The following VGF variants were observed in gnomAD, a reference collection of about 807,000 sequenced individuals.
The protein encoded by VGF is VGF nerve growth factor inducible, also known as neurosecretory protein VGF.
VGF carries 13 observed loss-of-function variants against 41.1 expected under a neutral mutation model. The observed-to-expected ratio is 0.32, with a 90% confidence interval of 0.21 to 0.50. The LOEUF (loss-of-function observed/expected upper bound fraction) is 0.50. Among genes scored for constraint, VGF ranks in the 20% least tolerant of loss-of-function variants. VGF has a pLI of 0.98. For synonymous variants in VGF, 473 were observed against 418.3 expected (o/e 1.13, Z -1.60); for missense variants, 920 against 882.1 (o/e 1.04, Z -0.54).
chr7:101,162,785 G>GC lies in VGF; in HGVS notation c.*210dup, dbSNP rs1402413522. 1.6e-6 allele frequency: 1 copy of GC among 644,088 alleles called. No individual in the cohort carries two copies. The highest frequency in any genetic ancestry group is 2.9e-6 in the Non-Finnish European group (1 of 347,958). The allele number at this position is 644,088 out of a possible 1,614,324, so 39.9% of individuals were successfully genotyped here. A position where few individuals can be genotyped will look rare whatever the true frequency, so the allele number is the denominator to read the frequency against. The stretch of plus-strand genomic sequence containing the variant: ...ACAAACCACCCGCCCTCCTGGGCTG[G>GC]CCCCCGGTCACCCGCGGGTGAGCTC... On this transcript the variant is annotated 3_prime_UTR_variant, in exon 2 of 2. Transcript: ENST00000249330. The surrounding 1 kb of genome is among the most constrained non-coding windows in gnomAD (Gnocchi z 4.2).
At chr7:101,167,556 G>T (rs1451482389), upstream of VGF, among the ~76,000 whole-genome samples, 2 of 152,118 alleles carry the variant, frequency 1.3e-5, no homozygotes, top group Non-Finnish European at 2.9e-5. This position sits in a 1 kb window ranked among gnomAD's most constrained non-coding sequence, Gnocchi z 4.2. Flanking sequence ...TCCTGAGGAG[G>T]ATGAATCAGA....
upstream of VGF, chr7:101,165,592 G>A: frequency 1.0e-6 from 1 of 985,410 alleles, no homozygotes; most frequent in Non-Finnish European, 1.2e-6. Context: ...CGCCTCCACC[G>A]CCTTATAAAG....
chr7:101,166,306 T>C (rs972892275), upstream of VGF, among the ~76,000 whole-genome samples: 1 of 152,148 alleles, frequency 6.6e-6, no homozygotes, highest in Admixed American at 6.5e-5. Context: ...CTCTGGGTCG[T>C]GTCTGTTTCA....
rs1797139603 is a variant in VGF, at chr7:101,163,114, G to A, written c.1730C>T (p.Pro577Leu). Residue 577 changes from proline (P) to leucine (L), a missense_variant, in exon 2 of 2, where the codon CCC becomes CTC. Physicochemically the swap from Pro to Leu is moderately conservative, Grantham distance 98. Around this residue, in one of 3 missense-constraint regions of VGF, gnomAD observed 257 missense variants for 217.2 expected, o/e 1.18. Coordinates refer to ENST00000249330, the MANE Select transcript of VGF (RefSeq NM_003378.4). The surrounding 1 kb of genome is among the most constrained non-coding windows in gnomAD (Gnocchi z 5.0). The stretch of plus-strand genomic sequence containing the variant: ...GCGCCGCGCCTGGGCCTCCCGGCCG[G>A]GATAGTGGCGCGAAGGCGGCAAGGC... ...HHALPPSRHY[P>L]GREAQARRAQ... 1 of 1,583,380 alleles carries A rather than the reference G, an allele frequency of 6.3e-7. No homozygotes were observed. The highest frequency in any genetic ancestry group is 8.6e-7 in the Non-Finnish European group (1 of 1,168,148).
chr7:101,169,129 T>C (rs1221875744), upstream of VGF, among the ~76,000 whole-genome samples: 1 of 151,868 alleles, frequency 6.6e-6, no homozygotes, highest in African/African-American at 2.4e-5. Flanking sequence ...ACCCTGATTT[T>C]TAGTCCTGAG....
chr7:101,166,951 GACAC>G (rs1164816869), upstream of VGF, among the ~76,000 whole-genome samples: 1 of 151,992 alleles, frequency 6.6e-6, no homozygotes, highest in Non-Finnish European at 1.5e-5. Flanking sequence ...ACACACGCCA[GACAC>G]ACACGAACTG....
Position 101,165,369 on chromosome 7 carries a change from T to C in VGF, c.-21+5A>G, listed in dbSNP as rs1347160980. On this transcript the variant is annotated splice_donor_5th_base_variant and intron_variant, in intron 1 of 1. Coordinates refer to ENST00000249330, the MANE Select transcript of VGF (RefSeq NM_003378.4). Reference sequence around the variant, plus strand: ...GGTTTGAGGGACGAACAGCGGAGTATTTACCAGCTGGTGTCACGACGCGAG... The same window carrying C: ...GGTTTGAGGGACGAACAGCGGAGTACTTACCAGCTGGTGTCACGACGCGAG... The C allele has an allele frequency of 1.0e-6, 1 of 985,216 alleles. No homozygotes were observed. The highest frequency in any genetic ancestry group is 1.2e-6 in the Non-Finnish European group (1 of 830,006). 61.0% of individuals were successfully genotyped at this position (985,216 alleles called of 1,614,324 possible). A position where few individuals can be genotyped will look rare whatever the true frequency, so the allele number is the denominator to read the frequency against.
At chr7:101,165,725 C>G, upstream of VGF, 1 of 920,676 alleles carries the variant, frequency 1.1e-6, no homozygotes. Flanking sequence ...CTGCCTCTCC[C>G]GGCCTGCGCC....
In VGF at chr7:101,164,782, C is replaced by T. The variant is rs376363797; in HGVS notation, c.62G>A (p.Gly21Glu). 5 of 1,603,258 alleles carry T rather than the reference C, an allele frequency of 3.1e-6. No homozygotes were observed. In the African/African-American group the frequency reaches 5.4e-5, roughly 17 times the overall value. ...LFCLLLINGL[G>E]AAPPGRPEAQ... Reference sequence around the variant, plus strand: ...CTCAGGGCGACCAGGGGGTGCTGCCCCTAACCCGTTGATCAGCAGAAGGCA... The same window carrying T: ...CTCAGGGCGACCAGGGGGTGCTGCCTCTAACCCGTTGATCAGCAGAAGGCA... Residue 21 changes from glycine to glutamate, a missense_variant, in exon 2 of 2, where the codon GGG becomes GAG. Gly to Glu is a moderately conservative substitution (Grantham distance 98). Transcript: ENST00000249330.
Position 101,163,157 on chromosome 7 carries a change from G to C in VGF, c.1687C>G (p.Arg563Gly). The C allele has an allele frequency of 6.3e-7, 1 of 1,574,904 alleles. No individual in the cohort carries two copies. The highest frequency in any genetic ancestry group is 8.6e-7 in the Non-Finnish European group (1 of 1,164,862). The change falls in exon 2 of 2, where the codon CGC becomes GGC. Residue 563 changes from arginine (R) to glycine (G), a missense_variant. Physicochemically the swap from Arg to Gly is moderately radical, Grantham distance 125 (BLOSUM62 -2). Coordinates refer to ENST00000249330, the MANE Select transcript of VGF (RefSeq NM_003378.4). This position sits in a 1 kb window ranked among gnomAD's most constrained non-coding sequence, Gnocchi z 5.0. The stretch of plus-strand genomic sequence containing the variant: ...GGCAAGGCGTGGTGGTAGTGGCGGC[G>C]GCGCAAGGCCGAGGGCGGCTGCAGT... ...RTLQPPSALRRRHYHHALPPS... is the reference protein window; with the variant it reads ...RTLQPPSALRGRHYHHALPPS...
chr7:101,164,874 G>A lies in VGF; in HGVS notation c.-20-11C>T, dbSNP rs1261462286. On this transcript the variant is annotated splice_polypyrimidine_tract_variant and intron_variant, in intron 1 of 1. Coordinates refer to ENST00000249330, the MANE Select transcript of VGF (RefSeq NM_003378.4). ...AGAGGCTGCCGGAGACTGAAAAATAGAAGGGACCAAAAAAAGAGGATTTCT... is the reference window on the plus strand; with the variant it reads ...AGAGGCTGCCGGAGACTGAAAAATAAAAGGGACCAAAAAAAGAGGATTTCT... The A allele has an allele frequency of 4.6e-6, 7 of 1,522,258 alleles. No homozygotes were observed. In the South Asian group the frequency reaches 9.0e-5, roughly 20 times the overall value. 94.3% of individuals were successfully genotyped at this position (1,522,258 alleles called of 1,614,324 possible). A position where few individuals can be genotyped will look rare whatever the true frequency, so the allele number is the denominator to read the frequency against.
At chr7:101,165,975 C>T (rs1318224463), upstream of VGF, among the ~76,000 whole-genome samples, 1 of 152,136 alleles carries the variant, frequency 6.6e-6, no homozygotes, top group East Asian at 1.9e-4. Context: ...ATGGAGCCCG[C>T]GTTGCTGAGT....
rs1213942612 is a variant in VGF, at chr7:101,164,312, G to C, written c.532C>G (p.Gln178Glu). ...DFSPSSAKRQQETAAAETETR... is the reference protein window; with the variant it reads ...DFSPSSAKRQEETAAAETETR... Reference sequence around the variant, plus strand: ...TCCGTCTCTGCTGCCGCCGTCTCCTGCTGGCGCTTGGCGCTACTTGGACTG... The same window carrying C: ...TCCGTCTCTGCTGCCGCCGTCTCCTCCTGGCGCTTGGCGCTACTTGGACTG... The change falls in exon 2 of 2, where the codon CAG (glutamine) becomes GAG (glutamate). Residue 178 changes from glutamine (Q) to glutamate (E), a missense_variant. Physicochemically the swap from Gln to Glu is conservative, Grantham distance 29. Around this residue, in one of 3 missense-constraint regions of VGF, gnomAD observed 654 missense variants for 638.4 expected, o/e 1.02. Coordinates refer to ENST00000249330, the MANE Select transcript of VGF (RefSeq NM_003378.4). 25 of 1,610,296 alleles carry C rather than the reference G, an allele frequency of 1.6e-5. No homozygotes were observed. Among genetic ancestry groups the C allele is most frequent in the Non-Finnish European group, 1.9e-5 (23 of 1,179,874 alleles).
chr7:101,162,785 GC>G lies in VGF; in HGVS notation c.*210del. The G allele has an allele frequency of 1.6e-6, 1 of 644,056 alleles. No individual in the cohort carries two copies. The highest frequency in any genetic ancestry group is 2.9e-6 in the Non-Finnish European group (1 of 347,938). 39.9% of individuals were successfully genotyped at this position (644,056 alleles called of 1,614,324 possible). On this transcript the variant is annotated 3_prime_UTR_variant, in exon 2 of 2. Transcript: ENST00000249330. The surrounding 1 kb of genome is among the most constrained non-coding windows in gnomAD (Gnocchi z 4.2). ...ACAAACCACCCGCCCTCCTGGGCTG[GC>G]CCCCGGTCACCCGCGGGTGAGCTCT...
Position 101,164,433 on chromosome 7 carries a change from C to A in VGF, c.411G>T (p.Pro137=). 1 of 1,606,306 alleles carries A rather than the reference C, an allele frequency of 6.2e-7. No individual in the cohort carries two copies. Among genetic ancestry groups the A allele is most frequent in the East Asian group, 2.2e-5 (1 of 44,750 alleles). The part of the protein sequence containing the change: ...PAPESPEPAA[P]PRPQTPENGP... ...CATTCTCCGGAGTCTGAGGGCGAGG[C>A]GGAGCCGCGGGCTCCGGGCTCTCCG... The change falls in exon 2 of 2, where the codon CCG becomes CCT. Residue 137 remains proline (P), a synonymous_variant. Coordinates refer to ENST00000249330, the MANE Select transcript of VGF (RefSeq NM_003378.4).
At chr7:101,165,029 C>G (rs1797196010) in intron 1 of VGF, 166 bp from the exon 2 acceptor site, 1 of 1,327,284 alleles carries the variant, frequency 7.5e-7, no homozygotes, top group Non-Finnish European at 9.6e-7. Flanking sequence ...GATGTTGTGC[C>G]GATCTCTGGA....
rs761703073 is a variant in VGF, at chr7:101,164,080, T to C, written c.764A>G (p.Lys255Arg). ...TGCCAATGCCTCGCCTAGGTGTGTT[T>C]TGGGGGAGGACACTCCTTCCCCGAA... ...HKFGEGVSSP[K>R]THLGEALAPL... The change falls in exon 2 of 2, where the codon AAA (lysine) becomes AGA (arginine). Residue 255 changes from lysine (K) to arginine (R), a missense_variant. Lys to Arg is a conservative substitution (Grantham distance 26). Around this residue, in one of 3 missense-constraint regions of VGF, gnomAD observed 654 missense variants for 638.4 expected, o/e 1.02. Transcript: ENST00000249330. 1 of 1,499,962 alleles carries C rather than the reference T, an allele frequency of 6.7e-7. No homozygotes were observed. The highest frequency in any genetic ancestry group is 8.8e-7 in the Non-Finnish European group (1 of 1,132,234). The allele number at this position is 1,499,962 out of a possible 1,614,324, so 92.9% of individuals were successfully genotyped here. A position where few individuals can be genotyped will look rare whatever the true frequency, so the allele number is the denominator to read the frequency against.
In VGF at chr7:101,163,756, T is replaced by G. The variant is rs748732932; in HGVS notation, c.1088A>C (p.Glu363Ala). 6.5e-6 allele frequency: 10 copies of G among 1,528,838 alleles called. No homozygotes were observed. The African/African-American group carries it at 1.1e-4, about 17-fold the overall frequency. 94.7% of individuals were successfully genotyped at this position (1,528,838 alleles called of 1,614,324 possible). A position where few individuals can be genotyped will look rare whatever the true frequency, so the allele number is the denominator to read the frequency against. The change falls in exon 2 of 2, where the codon GAG becomes GCG. Residue 363 changes from glutamate to alanine, a missense_variant. By Grantham distance (107) the Glu-to-Ala change is moderately radical. Around this residue, in one of 3 missense-constraint regions of VGF, gnomAD observed 654 missense variants for 638.4 expected, o/e 1.02. Transcript: ENST00000249330. This position sits in a 1 kb window ranked among gnomAD's most constrained non-coding sequence, Gnocchi z 5.0. ...TCTCTCCTGCTCCGCCTCCTCCTCCTCCCTTGCACTCTCTCGCTCCTCCGC... is the reference window on the plus strand; with the variant it reads ...TCTCTCCTGCTCCGCCTCCTCCTCCGCCCTTGCACTCTCTCGCTCCTCCGC... Reference protein sequence around the residue: ...EAAEERESAREEEEAEQERRG... With the variant: ...EAAEERESARAEEEAEQERRG...
upstream of VGF, chr7:101,165,635 C>G: frequency 2.0e-6 from 2 of 985,382 alleles, no homozygotes; most frequent in South Asian, 4.7e-5. Flanking sequence ...GCGCGCCCCG[C>G]CCCATTGACG....
Sources: gnomAD v4.1 joint callset for allele counts (sites outside exome capture counted in the v4.1 genomes callset) on GRCh38, gnomAD v4.1.1 for gene constraint, gnomAD v4.1.1 regional missense constraint, Gnocchi (gnomAD v3.1) non-coding constraint, MANE v1.5 for transcripts, NCBI Gene and HGNC (gene_info 2026-07-23, HGNC 2026-07-21) for gene names.